The following PPP2R2A variants were observed in gnomAD, a reference collection of about 807,000 sequenced individuals.
PPP2R2A encodes the protein serine/threonine-protein phosphatase 2A 55 kDa regulatory subunit B alpha isoform.
In PPP2R2A, 9 loss-of-function variants were observed where a neutral mutation model predicts 53.2. That is an observed-to-expected ratio of 0.17 (90% CI 0.10 to 0.30). The LOEUF is 0.30. Ranked by LOEUF, PPP2R2A falls within the 10% of genes least tolerant of loss-of-function variation. PPP2R2A has a pLI of 1.00. For missense variants in PPP2R2A, 235 were observed against 534.6 expected (o/e 0.44, Z 5.53); for synonymous variants, 169 against 174.2 (o/e 0.97, Z 0.23).
rs529323999 is a variant in PPP2R2A at position 26,291,603 on chromosome 8, AAG to A, written c.-214_-213del. 0.017 allele frequency: 9,367 copies of A among 565,084 alleles called. 124 individuals are homozygous for A. The highest frequency in any genetic ancestry group is 0.047 in the Admixed American group (1,293 of 27,720). The allele number at this position is 565,084 out of a possible 1,614,324, so 35.0% of individuals were successfully genotyped here. ...TAGTCGCCGCCGCCGCTGCCGGAGA[AAG>A]AGCACGAGCGGGGAAGCCCCAGAGT... On this transcript the variant is annotated 5_prime_UTR_variant, in exon 1 of 10. Transcript: ENST00000380737.
At chr8:26,322,101 A>G (rs1322976484) in intron 2 of PPP2R2A, among the ~76,000 whole-genome samples, 1 of 152,240 alleles carries the variant, frequency 6.6e-6, no homozygotes, top group African/African-American at 2.4e-5. Context: ...GCAGGAAACA[A>G]GAGAAACTGT....
At chr8:26,302,045 GAGAA>G (rs763129457) in intron 2 of PPP2R2A, among the ~76,000 whole-genome samples, 41 of 152,364 alleles carry the variant, frequency 2.7e-4, no homozygotes, top group Non-Finnish European at 5.3e-4. Flanking sequence ...GGTATACCTA[GAGAA>G]AGAACTTCTG....
chr8:26,332,329 C>T (rs1169181566), intron 2 of PPP2R2A, among the ~76,000 whole-genome samples: 1 of 149,544 alleles, frequency 6.7e-6, no homozygotes, highest in East Asian at 2.0e-4. Flanking sequence ...CCACTGCACT[C>T]CAGCCTGGGT....
At chr8:26,340,417 G>T (rs1803881864) in intron 3 of PPP2R2A, among the ~76,000 whole-genome samples, 1 of 151,918 alleles carries the variant, frequency 6.6e-6, no homozygotes, top group Non-Finnish European at 1.5e-5. Flanking sequence ...CTTCCCATAG[G>T]TGTTCTCTGC....
chr8:26,304,758 T>C (rs1339447617), intron 2 of PPP2R2A, among the ~76,000 whole-genome samples: 2 of 152,212 alleles, frequency 1.3e-5, no homozygotes, highest in Admixed American at 1.3e-4. Context: ...AAATTTCTTA[T>C]CAAGGCATGC....
chr8:26,306,383 C>T (rs961894524), intron 2 of PPP2R2A, among the ~76,000 whole-genome samples: 2 of 145,126 alleles, frequency 1.4e-5, no homozygotes, highest in Non-Finnish European at 3.0e-5. Flanking sequence ...GGCTGAGGCA[C>T]GAGAAATACT....
chr8:26,312,753 A>T (rs1802348164), intron 2 of PPP2R2A, among the ~76,000 whole-genome samples: 1 of 152,132 alleles, frequency 6.6e-6, no homozygotes, highest in African/African-American at 2.4e-5. Flanking sequence ...ATTTGCCCTT[A>T]AATTTTTATC....
Position 26,372,466 on chromosome 8 carries a change from TCTC to T in PPP2R2A, c.*2058_*2060del, listed in dbSNP as rs781276398. 4.6e-5 allele frequency: 7 copies of T among 152,158 alleles called. No individual in the cohort carries two copies. Among genetic ancestry groups the T allele is most frequent in the Non-Finnish European group, 1.0e-4 (7 of 68,026 alleles). The allele number at this position is 152,158 out of a possible 1,614,324, so 9.4% of individuals were successfully genotyped here. A position where few individuals can be genotyped will look rare whatever the true frequency, so the allele number is the denominator to read the frequency against. On this transcript the variant is annotated 3_prime_UTR_variant, in exon 10 of 10. Coordinates refer to ENST00000380737, the MANE Select transcript of PPP2R2A (RefSeq NM_002717.4). ...TTGATTGATCAGTAGCTATGATGATTCTCCTCCATGACACTAAGGATTAGTTTA... is the reference window on the plus strand; with the variant it reads ...TTGATTGATCAGTAGCTATGATGATTCTCCATGACACTAAGGATTAGTTTA...
At chr8:26,307,185 C>G (rs897483881) in intron 2 of PPP2R2A, among the ~76,000 whole-genome samples, 4 of 152,146 alleles carry the variant, frequency 2.6e-5, no homozygotes, top group African/African-American at 9.7e-5. Flanking sequence ...AGGTTGTACA[C>G]ATTTGGAATT....
chr8:26,367,466 AT>A (rs1175107002), intron 9 of PPP2R2A, among the ~76,000 whole-genome samples: 6 of 151,998 alleles, frequency 3.9e-5, no homozygotes, highest in African/African-American at 7.3e-5. Flanking sequence ...AATATTAAAA[AT>A]TTTTTTTTAA....
In PPP2R2A at chr8:26,354,380, T is replaced by A; in HGVS notation, c.181-88T>A. Reference sequence around the variant, plus strand: ...GACACAACTAATGGGGTATTGAGAATGTGCAGGGTCCTTTGGAATTGATTA... The same window carrying A: ...GACACAACTAATGGGGTATTGAGAAAGTGCAGGGTCCTTTGGAATTGATTA... On this transcript the variant is annotated intron_variant, in intron 3 of 9. Coordinates refer to ENST00000380737, the MANE Select transcript of PPP2R2A (RefSeq NM_002717.4). This position sits in a 1 kb window ranked among gnomAD's most constrained non-coding sequence, Gnocchi z 4.6. 1.9e-6 allele frequency: 2 copies of A among 1,072,468 alleles called. No individual in the cohort carries two copies. The highest frequency in any genetic ancestry group is 2.6e-6 in the Non-Finnish European group (2 of 783,122). The allele number at this position is 1,072,468 out of a possible 1,614,324, so 66.4% of individuals were successfully genotyped here.
rs543530507 is a variant in PPP2R2A, at chr8:26,370,930, A to G, written c.*517A>G. On this transcript the variant is annotated 3_prime_UTR_variant, in exon 10 of 10. Transcript: ENST00000380737. The surrounding 1 kb of genome is among the most constrained non-coding windows in gnomAD (Gnocchi z 6.1). ...TTCATCTCTTACCCTTGCCCCCTCC[A>G]CCCGGTCTTGGTGGTGGTATATTAA... 2 of 138,778 alleles carry G rather than the reference A, an allele frequency of 1.4e-5. No homozygotes were observed. The highest frequency in any genetic ancestry group is 3.2e-5 in the Non-Finnish European group (2 of 63,188). The allele number at this position is 138,778 out of a possible 1,614,324, so 8.6% of individuals were successfully genotyped here.
chr8:26,347,910 A>G (rs557334469), intron 3 of PPP2R2A, among the ~76,000 whole-genome samples: 2 of 152,214 alleles, frequency 1.3e-5, no homozygotes, highest in South Asian at 4.2e-4. Context: ...TCTTGTGTTT[A>G]TTTCATCGAA....
At chr8:26,353,092 G>A (rs1413912469) in intron 3 of PPP2R2A, among the ~76,000 whole-genome samples, 1 of 152,176 alleles carries the variant, frequency 6.6e-6, no homozygotes, top group African/African-American at 2.4e-5. Flanking sequence ...GTGAGACTGG[G>A]TGAGTCATTT....
rs2117333803 is a variant in PPP2R2A at position 26,341,007 on chromosome 8, T to C, written c.180+2020T>C. ...TAAGAAGAATTGAGCAGAATAACTT[T>C]TTGGGAAGGGCCATTGATAGGAAAA... is the stretch of plus-strand genomic sequence containing the variant. On this transcript the variant is annotated intron_variant, in intron 3 of 9. Coordinates refer to ENST00000380737, the MANE Select transcript of PPP2R2A (RefSeq NM_002717.4). 3.3e-5 allele frequency among the ~76,000 whole-genome samples: 5 copies of C among 152,258 alleles called. No individual in the cohort carries two copies. In the South Asian group the frequency reaches 1.0e-3, roughly 32 times the overall value.
rs190488340 is a variant in PPP2R2A at position 26,332,750 on chromosome 8, T to A, written c.83-6140T>A. 1.5e-3 allele frequency among the ~76,000 whole-genome samples: 223 copies of A among 152,358 alleles called. 2 individuals carry two copies. Among genetic ancestry groups the A allele is most frequent in the African/African-American group, 5.3e-3 (220 of 41,586 alleles). ...CAGGCAGTAACTGTAATGTGGTCATTAATAAGTAGTATAAAGTTGATGTTG... is the reference window on the plus strand; with the variant it reads ...CAGGCAGTAACTGTAATGTGGTCATAAATAAGTAGTATAAAGTTGATGTTG... On this transcript the variant is annotated intron_variant, in intron 2 of 9. Transcript: ENST00000380737.
intron 6 of PPP2R2A, 147 bp downstream of exon 6, chr8:26,361,298 G>C (rs1805070252): frequency 1.6e-6 from 1 of 636,132 alleles, no homozygotes; most frequent in African/African-American, 1.9e-5. Flanking sequence ...TTGTAGATGA[G>C]TAATGAAATA....
chr8:26,338,824 G>C lies in PPP2R2A; in HGVS notation c.83-66G>C. 1 of 1,148,824 alleles carries C rather than the reference G, an allele frequency of 8.7e-7. No individual in the cohort carries two copies. Among genetic ancestry groups the C allele is most frequent in the South Asian group, 1.4e-5 (1 of 72,016 alleles). 71.2% of individuals were successfully genotyped at this position (1,148,824 alleles called of 1,614,324 possible). A position where few individuals can be genotyped will look rare whatever the true frequency, so the allele number is the denominator to read the frequency against. ...TGGAATGTTTGGGAAAACACGCTAA[G>C]TTCTGAAACTAGTGAGTCGGGAAAG... On this transcript the variant is annotated intron_variant, in intron 2 of 9. Transcript: ENST00000380737. The surrounding 1 kb of genome is among the most constrained non-coding windows in gnomAD (Gnocchi z 4.5).
intron 2 of PPP2R2A, among the ~76,000 whole-genome samples, chr8:26,307,917 C>T (rs1303370483): frequency 6.6e-6 from 1 of 152,114 alleles, no homozygotes; most frequent in Non-Finnish European, 1.5e-5. Context: ...AGCCCATGTA[C>T]TATATGTAAA....
Sources: allele counts gnomAD v4.1 joint callset (sites outside exome capture counted in the v4.1 genomes callset), GRCh38; gene constraint gnomAD v4.1.1; non-coding constraint Gnocchi (gnomAD v3.1); transcripts MANE v1.5; gene names NCBI Gene and HGNC (gene_info 2026-07-23, HGNC 2026-07-21).